Variants in AGO1 observed in about 807,000 individuals in gnomAD.
The protein encoded by AGO1 is protein argonaute-1.
A neutral mutation model predicts 109.2 loss-of-function variants in AGO1; 11 were observed. That is an observed-to-expected ratio of 0.10 (90% confidence interval 0.06 to 0.17). The LOEUF is 0.17. Ranked by LOEUF, AGO1 falls within the 10% of genes least tolerant of loss-of-function variation. The pLI is 1.00. For synonymous variants in AGO1, 422 were observed against 418.6 expected, an observed-to-expected ratio of 1.01 and a Z score of -0.10; for missense variants, 574 against 1,140.3, an observed-to-expected ratio of 0.50 and a Z score of 7.15.
At chr1:35,894,658 A>AT (rs772529945) in intron 7 of AGO1, among the ~76,000 whole-genome samples, 3 of 152,114 alleles carry the variant, frequency 2.0e-5, no homozygotes, top group Non-Finnish European at 4.4e-5. Context: ...GTGTTCTCTG[A>AT]TTCCTGTTAG....
rs1645818052 is a variant in AGO1 at position 35,920,785 on chromosome 1, C to A, written c.*1178C>A. On this transcript the variant is annotated 3_prime_UTR_variant, in exon 19 of 19. Coordinates refer to ENST00000373204, the MANE Select transcript of AGO1 (RefSeq NM_012199.5). ...CTTGATGGTCAAGTCTCTTATGTTT[C>A]AATATTTCTTAACTGGGGTGTCTTA... 6.6e-6 allele frequency: 1 copy of A among 152,530 alleles called. No homozygotes were observed. Among genetic ancestry groups the A allele is most frequent in the Non-Finnish European group, 1.5e-5 (1 of 68,022 alleles). 9.4% of individuals were successfully genotyped at this position (152,530 alleles called of 1,614,324 possible).
chr1:35,919,470 A>G lies in AGO1; in HGVS notation c.2466-29A>G. The G allele has an allele frequency of 6.3e-7, 1 of 1,592,154 alleles. No homozygotes were observed. Among genetic ancestry groups the G allele is most frequent in the Non-Finnish European group, 8.6e-7 (1 of 1,166,098 alleles). On this transcript the variant is annotated intron_variant, in intron 18 of 18. Transcript: ENST00000373204. The surrounding 1 kb of genome is among the most constrained non-coding windows in gnomAD (Gnocchi z 6.6). Reference sequence around the variant, plus strand: ...TAGCAGCAGCTCTCAGTTCACCAGGAAGGACTTCTTTCATTTTTTCCTTTT... The same window carrying G: ...TAGCAGCAGCTCTCAGTTCACCAGGGAGGACTTCTTTCATTTTTTCCTTTT...
At chr1:35,881,932 C>T (rs1237987822), upstream of AGO1, among the ~76,000 whole-genome samples, 1 of 152,140 alleles carries the variant, frequency 6.6e-6, no homozygotes, top group Non-Finnish European at 1.5e-5. Context: ...GGTTGTGATA[C>T]GTCTAGCAAG....
intron 1 of AGO1, among the ~76,000 whole-genome samples, chr1:35,870,446 G>T (rs1020227657): frequency 7.2e-5 from 11 of 152,024 alleles, no homozygotes; most frequent in African/African-American, 2.4e-4. Flanking sequence ...ACCACGCCCG[G>T]CTAATTTTTT....
intron 3 of AGO1, 114 bp downstream of exon 3, chr1:35,892,791 G>T: frequency 5.6e-5 from 74 of 1,310,040 alleles, no homozygotes; most frequent in Middle Eastern, 4.4e-4. Context: ...GAGAAAGTAT[G>T]TTTTAGGGTG....
chr1:35,919,354 T>C lies in AGO1; in HGVS notation c.2465+100T>C. 6.8e-7 allele frequency: 1 copy of C among 1,476,986 alleles called. No individual in the cohort carries two copies. Among genetic ancestry groups the C allele is most frequent in the Non-Finnish European group, 9.2e-7 (1 of 1,084,178 alleles). The allele number at this position is 1,476,986 out of a possible 1,614,324, so 91.5% of individuals were successfully genotyped here. ...AGAAGGAAATGAGTGCTGTCCAATT[T>C]GGTGTCATTGGGCTCGTCTGCCCAA... On this transcript the variant is annotated intron_variant, in intron 18 of 18. Transcript: ENST00000373204. This position sits in a 1 kb window ranked among gnomAD's most constrained non-coding sequence, Gnocchi z 6.6.
intron 1 of AGO1, among the ~76,000 whole-genome samples, chr1:35,884,605 T>C (rs1427346126): frequency 2.6e-5 from 4 of 152,228 alleles, no homozygotes; most frequent in Non-Finnish European, 5.9e-5. Context: ...CTGTCAGGGC[T>C]GTCTTTAGAG....
In AGO1 at chr1:35,919,278, C is replaced by T; in HGVS notation, c.2465+24C>T. On this transcript the variant is annotated intron_variant, in intron 18 of 18. Coordinates refer to ENST00000373204, the MANE Select transcript of AGO1 (RefSeq NM_012199.5). The surrounding 1 kb of genome is among the most constrained non-coding windows in gnomAD (Gnocchi z 6.6). Reference sequence around the variant, plus strand: ...AGGTGAGGCCTGGGATCAGGTTGGCCTCCTTTTTGCTTCAGCCTATTGTGC... The same window carrying T: ...AGGTGAGGCCTGGGATCAGGTTGGCTTCCTTTTTGCTTCAGCCTATTGTGC... The T allele has an allele frequency of 1.2e-6, 2 of 1,603,964 alleles. No individual in the cohort carries two copies. Among genetic ancestry groups the T allele is most frequent in the Non-Finnish European group, 1.7e-6 (2 of 1,175,052 alleles).
At chr1:35,872,187 C>CTT (rs541463659) in intron 1 of AGO1, among the ~76,000 whole-genome samples, 7 of 133,084 alleles carry the variant, frequency 5.3e-5, no homozygotes, top group Non-Finnish European at 9.6e-5. Flanking sequence ...GACTCAATTT[C>CTT]TTTTTTTTTT....
At chr1:35,872,193 T>C (rs1168798680) in intron 1 of AGO1, among the ~76,000 whole-genome samples, 3 of 150,402 alleles carry the variant, frequency 2.0e-5, no homozygotes, top group African/African-American at 4.9e-5. Context: ...ATTTCTTTTT[T>C]TTTTTTTTTT....
chr1:35,913,720 A>G lies in AGO1; in HGVS notation c.1583-122A>G, dbSNP rs1031355198. The G allele has an allele frequency of 5.1e-6, 5 of 975,264 alleles. No individual in the cohort carries two copies. In the African/African-American group the frequency reaches 8.1e-5, roughly 16 times the overall value. 60.4% of individuals were successfully genotyped at this position (975,264 alleles called of 1,614,324 possible). A position where few individuals can be genotyped will look rare whatever the true frequency, so the allele number is the denominator to read the frequency against. ...CCTATTTAGTAAGCACTTTGAGAGT[A>G]AGGACCTTATGTGTTTCCTGTCATT... On this transcript the variant is annotated intron_variant, in intron 12 of 18. Transcript: ENST00000373204.
intron 1 of AGO1, among the ~76,000 whole-genome samples, chr1:35,875,858 C>T (rs1166758033): frequency 1.3e-5 from 2 of 152,218 alleles, no homozygotes; most frequent in African/African-American, 4.8e-5. Flanking sequence ...TGCTTTCATA[C>T]CTACTTACAC....
chr1:35,884,194 C>A (rs535639620), intron 1 of AGO1, among the ~76,000 whole-genome samples: 2 of 152,170 alleles, frequency 1.3e-5, no homozygotes, highest in Non-Finnish European at 1.5e-5. Flanking sequence ...GTCCCCTCCC[C>A]CATTTTAGGG....
At chr1:35,918,231 G>A (rs1645770125) in intron 16 of AGO1, 91 bp from the exon 17 acceptor site, 1 of 1,030,864 alleles carries the variant, frequency 9.7e-7, no homozygotes, top group East Asian at 2.4e-5. Flanking sequence ...TTTGTTCTTG[G>A]GATTTTGGTG....
Position 35,927,134 on chromosome 1 carries a change from G to A in AGO1, c.*7527G>A, listed in dbSNP as rs998463302. 1 of 151,890 alleles carries A rather than the reference G, an allele frequency of 6.6e-6. No homozygotes were observed. Among genetic ancestry groups the A allele is most frequent in the African/African-American group, 2.4e-5 (1 of 41,350 alleles). 9.4% of individuals were successfully genotyped at this position (151,890 alleles called of 1,614,324 possible). On this transcript the variant is annotated 3_prime_UTR_variant, in exon 19 of 19. Transcript: ENST00000373204. ...GAGAGTGAGCTGCAAAAGGAGGAAG[G>A]GTTTGTTTGGGTACTTTGAAGTACT...
intron 1 of AGO1, among the ~76,000 whole-genome samples, chr1:35,876,814 G>A (rs1207148654): frequency 6.6e-6 from 1 of 152,132 alleles, no homozygotes; most frequent in African/African-American, 2.4e-5. Context: ...ACAGGCTTTG[G>A]CTGTGTCCCC....
At position 35,917,631 on chromosome 1, in the gene AGO1, C is replaced by T. The variant is rs1645758802; in HGVS notation, c.2067C>T (p.Cys689=). The T allele has an allele frequency of 1.2e-6, 2 of 1,613,690 alleles. No homozygotes were observed. Among genetic ancestry groups the T allele is most frequent in the Non-Finnish European group, 8.5e-7 (1 of 1,179,722 alleles). The stretch of plus-strand genomic sequence containing the variant: ...AGCTACTGGCCATTCGTGATGCCTG[C>T]ATCAAACTGGAAAAGGACTACCAGC... ...HYELLAIRDA[C]IKLEKDYQPG... is the part of the protein sequence containing the mutation. Residue 689 remains cysteine, a synonymous_variant, in exon 16 of 19, where the codon TGC becomes TGT. Coordinates refer to ENST00000373204, the MANE Select transcript of AGO1 (RefSeq NM_012199.5).
At chr1:35,878,016 A>G (rs181925148) in intron 1 of AGO1, among the ~76,000 whole-genome samples, 22 of 151,720 alleles carry the variant, frequency 1.5e-4, no homozygotes, top group South Asian at 6.3e-4. Flanking sequence ...TTATATTGCT[A>G]TGTTGATTTG....
chr1:35,877,116 G>A (rs1644998933), intron 1 of AGO1, among the ~76,000 whole-genome samples: 1 of 152,120 alleles, frequency 6.6e-6, no homozygotes, highest in African/African-American at 2.4e-5. Flanking sequence ...GCTTGATCTG[G>A]GTCAGTTCGG....
Sources: gnomAD v4.1 joint callset for allele counts (sites outside exome capture counted in the v4.1 genomes callset) on GRCh38, gnomAD v4.1.1 for gene constraint, Gnocchi (gnomAD v3.1) non-coding constraint, MANE v1.5 for transcripts, NCBI Gene and HGNC (gene_info 2026-07-23, HGNC 2026-07-21) for gene names.